The following ANK2 variants were observed in gnomAD, a reference collection of about 807,000 sequenced individuals.
The protein encoded by ANK2 is ankyrin 2.
ANK2 carries 83 observed loss-of-function variants against 360.5 expected under a neutral mutation model. The observed-to-expected ratio is 0.23, with a 90% CI of 0.19 to 0.28. ANK2 has a LOEUF of 0.28. Among genes scored for constraint, ANK2 ranks in the 10% least tolerant of loss-of-function variants. The probability of loss-of-function intolerance (pLI) is 1.00; values close to 1 mark genes in which losing one functional copy is unlikely to be tolerated. For missense variants in ANK2, 4,201 were observed against 4,795.7 expected, an observed-to-expected ratio of 0.88 and a Z score of 3.66; for synonymous variants, 1,740 against 1,759.5, an observed-to-expected ratio of 0.99 and a Z score of 0.28.
chr4:112,724,816 C>T, the ANK2 span, among the ~76,000 whole-genome samples: 1 of 152,144 alleles, frequency 6.6e-6, no homozygotes, highest in Non-Finnish European at 1.5e-5. Flanking sequence ...GATAAATATA[C>T]TTCTGGGTAT....
chr4:112,865,031 CAAAAAAAAAAAAAAAAAAAA>C (rs56149739), intron 1 of ANK2, among the ~76,000 whole-genome samples: 29 of 52,504 alleles, frequency 5.5e-4, no homozygotes, highest in South Asian at 2.1e-3. Context: ...GACTCCATCT[CAAAAAAAAAAAAAAAAAAAA>C]AAAAAAAAAA....
At chr4:113,179,959 C>T (rs2098357261) in intron 2 of ANK2, among the ~76,000 whole-genome samples, 1 of 152,216 alleles carries the variant, frequency 6.6e-6, no homozygotes, top group South Asian at 2.1e-4. Context: ...CAGTGATTAA[C>T]AGGTCTTAAA....
chr4:112,735,423 A>AC, the ANK2 span, among the ~76,000 whole-genome samples: 1 of 152,208 alleles, frequency 6.6e-6, no homozygotes, highest in Non-Finnish European at 1.5e-5. Context: ...TTAAGTGTTA[A>AC]ATCAGACTGG....
intron 12 of ANK2, 36 bp downstream of exon 12, chr4:113,258,184 TTC>T (rs2153634397): frequency 6.3e-7 from 1 of 1,583,796 alleles, no homozygotes; most frequent in Non-Finnish European, 8.7e-7. Flanking sequence ...AAAGCATTCC[TTC>T]TCTTACTCCT....
At chr4:112,824,754 G>T (rs1019711828) in intron 1 of ANK2, among the ~76,000 whole-genome samples, 1 of 150,642 alleles carries the variant, frequency 6.6e-6, no homozygotes, top group Non-Finnish European at 1.5e-5. Flanking sequence ...TACCCACCTC[G>T]GCCTCTCAAA....
At chr4:113,326,494 A>G (rs1191951297) in intron 26 of ANK2, among the ~76,000 whole-genome samples, 1 of 152,142 alleles carries the variant, frequency 6.6e-6, no homozygotes, top group African/African-American at 2.4e-5. Flanking sequence ...GCTAGATTTT[A>G]TAAACAGTTT....
At position 113,363,428 on chromosome 4, in the gene ANK2, T is replaced by A. The variant is rs1157491049; in HGVS notation, c.10847T>A (p.Leu3616Gln). 1 of 1,613,568 alleles carries A rather than the reference T, an allele frequency of 6.2e-7. No homozygotes were observed. Among genetic ancestry groups the A allele is most frequent in the East Asian group, 2.2e-5 (1 of 44,864 alleles). ...PNSLQDQSHA[L>Q]LKYWLERDGK... is the part of the protein sequence containing the mutation. ...TCTCTTCAAGACCAGAGTCATGCAC[T>A]GTTGAAGTACTGGCTAGAGAGGGAT... Residue 3616 changes from leucine (L) to glutamine (Q), a missense_variant, in exon 40 of 46, where the codon CTG becomes CAG. Physicochemically the swap from Leu to Gln is moderately radical, Grantham distance 113. Coordinates refer to ENST00000357077, the MANE Select transcript of ANK2 (RefSeq NM_001148.6).
chr4:112,927,393 G>T (rs370064364), intron 2 of ANK2, among the ~76,000 whole-genome samples: 7 of 152,070 alleles, frequency 4.6e-5, no homozygotes, highest in African/African-American at 1.7e-4. Flanking sequence ...TTTGCCTTTG[G>T]AATGGATTTT....
At chr4:112,988,641 T>C (rs758354736) in intron 2 of ANK2, among the ~76,000 whole-genome samples, 1 of 152,232 alleles carries the variant, frequency 6.6e-6, no homozygotes, top group Non-Finnish European at 1.5e-5. Flanking sequence ...TTGGAATATA[T>C]CTTAGCACTT....
intron 1 of ANK2, among the ~76,000 whole-genome samples, chr4:112,825,186 C>T (rs2058142405): frequency 6.6e-6 from 1 of 151,926 alleles, no homozygotes; most frequent in Non-Finnish European, 1.5e-5. Context: ...CCAGGCCTGT[C>T]ATGGGGTGGG....
chr4:113,342,893 A>G lies in ANK2; in HGVS notation c.4123-124A>G, dbSNP rs999164240. ...CAGATAGACAGAATGTCAGTTGTCA[A>G]TTTAAAGATGGTTGTATGTGTATTA... On this transcript the variant is annotated intron_variant, in intron 33 of 45. Transcript: ENST00000357077. The G allele has an allele frequency of 7.9e-6, 10 of 1,257,918 alleles. No homozygotes were observed. In the African/African-American group the frequency reaches 1.3e-4, roughly 17 times the overall value. 77.9% of individuals were successfully genotyped at this position (1,257,918 alleles called of 1,614,324 possible).
chr4:113,371,458 G>T (rs2154070648), intron 43 of ANK2, among the ~76,000 whole-genome samples: 1 of 152,254 alleles, frequency 6.6e-6, no homozygotes, highest in East Asian at 1.9e-4. Context: ...TTTAACCTAA[G>T]AATCCATAGG....
At chr4:113,115,252 T>C (rs529591491) in intron 1 of ANK2, among the ~76,000 whole-genome samples, 1 of 152,354 alleles carries the variant, frequency 6.6e-6, no homozygotes, top group South Asian at 2.1e-4. Flanking sequence ...TATGTGTATT[T>C]CTCTGTAAAT....
intron 1 of ANK2, among the ~76,000 whole-genome samples, chr4:113,084,776 T>C (rs1040873931): frequency 2.0e-5 from 3 of 152,226 alleles, no homozygotes; most frequent in Non-Finnish European, 4.4e-5. Flanking sequence ...TTATGACATA[T>C]GAACATTCTA....
upstream of ANK2, among the ~76,000 whole-genome samples, chr4:112,816,589 A>G (rs568167498): frequency 7.2e-5 from 11 of 152,298 alleles, no homozygotes; most frequent in African/African-American, 2.6e-4. Context: ...GGCACAATTC[A>G]CTTTAAATAT....
At chr4:112,712,556 T>C in the ANK2 span, among the ~76,000 whole-genome samples, 1,459 of 151,614 alleles carry the variant, frequency 9.6e-3, 10 homozygotes, top group South Asian at 0.023. Flanking sequence ...TACAGGCGCC[T>C]GCCACCATGC....
intron 10 of ANK2, among the ~76,000 whole-genome samples, chr4:113,252,481 C>T (rs1442208823): frequency 2.0e-5 from 3 of 152,212 alleles, no homozygotes; most frequent in Admixed American, 1.3e-4. Flanking sequence ...CTCCTCACCA[C>T]AACCCCTTCT....
intron 1 of ANK2, among the ~76,000 whole-genome samples, chr4:113,143,922 A>G (rs979458214): frequency 1.3e-5 from 2 of 152,222 alleles, no homozygotes; most frequent in African/African-American, 2.4e-5. Flanking sequence ...TTATTCAGGA[A>G]ACATGAAAGG....
chr4:112,979,564 C>G (rs1234640124), intron 2 of ANK2: 1 of 152,230 alleles, frequency 6.6e-6, no homozygotes, highest in Admixed American at 6.5e-5. Context: ...ATGGCAGGTC[C>G]CAAATTCTTG....
Sources: allele counts gnomAD v4.1 joint callset (sites outside exome capture counted in the v4.1 genomes callset), GRCh38; gene constraint gnomAD v4.1.1; transcripts MANE v1.5; gene names NCBI Gene and HGNC (gene_info 2026-07-23, HGNC 2026-07-21).